Variants in B4GALNT4 observed in about 807,000 individuals in gnomAD.
B4GALNT4 encodes beta-1,4-N-acetyl-galactosaminyltransferase 4.
B4GALNT4 carries 77 observed loss-of-function variants against 110.0 expected under a neutral mutation model. That is an observed-to-expected ratio of 0.70 (90% CI 0.58 to 0.85). B4GALNT4 has a LOEUF of 0.85. Among genes scored for constraint, B4GALNT4 ranks in the 40% least tolerant of loss-of-function variants. The pLI is 0.00. For missense variants in B4GALNT4, 1,575 were observed against 1,506.0 expected, an observed-to-expected ratio of 1.05 and a Z score of -0.76; for synonymous variants, 785 against 655.5, an observed-to-expected ratio of 1.20 and a Z score of -3.02.
At position 377,097 on chromosome 11, in the gene B4GALNT4, G is replaced by A. The variant is rs906340199; in HGVS notation, c.1974G>A (p.Glu658=). The A allele has an allele frequency of 7.5e-6, 11 of 1,460,018 alleles. No homozygotes were observed. The highest frequency in any genetic ancestry group is 2.1e-4 in the Middle Eastern group (1 of 4,780). The allele number at this position is 1,460,018 out of a possible 1,614,324, so 90.4% of individuals were successfully genotyped here. A position where few individuals can be genotyped will look rare whatever the true frequency, so the allele number is the denominator to read the frequency against. The change falls in exon 14 of 20, where the codon GAG becomes GAA. Residue 658 remains glutamate, a synonymous_variant. Transcript: ENST00000329962. The part of the protein sequence containing the change: ...EGEDDGAPGD[E]AASEDSEEAA... The stretch of plus-strand genomic sequence containing the variant: ...AGGACGATGGGGCCCCGGGCGACGA[G>A]GCCGCGTCGGAGGACAGCGAGGAGG...
At chr11:373,582 CCTT>C in intron 7 of B4GALNT4, 66 bp downstream of exon 7, 2 of 1,567,522 alleles carry the variant, frequency 1.3e-6, no homozygotes, top group South Asian at 2.2e-5. Context: ...CGCGCTGTCT[CCTT>C]ATCCTGTGCA....
intron 9 of B4GALNT4, 37 bp downstream of exon 9, chr11:375,564 G>A (rs1161710418): frequency 1.9e-6 from 3 of 1,606,156 alleles, no homozygotes; most frequent in Admixed American, 1.7e-5. Context: ...GGGGCTCCTC[G>A]GGATGGGCTC....
At chr11:381,247 G>A (rs1256917968) in intron 19 of B4GALNT4, 1 of 642,498 alleles carries the variant, frequency 1.6e-6, no homozygotes, top group Non-Finnish European at 1.9e-6. Flanking sequence ...GGCCATGCAG[G>A]CTCGAGGCAG....
At chr11:379,241 G>A (rs1030035818) in intron 14 of B4GALNT4, among the ~76,000 whole-genome samples, 177 bp from the exon 15 acceptor site, 1 of 152,220 alleles carries the variant, frequency 6.6e-6, no homozygotes, top group African/African-American at 2.4e-5. Flanking sequence ...CCTGGAGGGG[G>A]TGGCTGGAAG....
At chr11:371,715 A>G (rs1262122165) in intron 1 of B4GALNT4, among the ~76,000 whole-genome samples, 8 of 152,242 alleles carry the variant, frequency 5.3e-5, no homozygotes, top group Admixed American at 5.2e-4. Flanking sequence ...ACACAGAGAA[A>G]GTGCTGAGGG....
At chr11:377,383 G>T in intron 14 of B4GALNT4, 56 bp downstream of exon 14, 1 of 1,437,028 alleles carries the variant, frequency 7.0e-7, no homozygotes, top group Admixed American at 2.6e-5. Context: ...GACAGCCGGG[G>T]AGAGGAGGTC....
rs760821783 is a variant in B4GALNT4 at position 372,699 on chromosome 11, G to A, written c.293G>A (p.Gly98Glu). The change falls in exon 3 of 20, where the codon GGG (glycine) becomes GAG (glutamate). Residue 98 changes from glycine to glutamate, a missense_variant. Gly to Glu is a moderately conservative substitution (Grantham distance 98, BLOSUM62 -2). Coordinates refer to ENST00000329962, the MANE Select transcript of B4GALNT4 (RefSeq NM_178537.5). ...GRDLDMLFPG[G>E]AGRLPLNFTH... ...GACCTAGACATGCTGTTTCCTGGGG[G>A]GGCTGGGAGGCTGCCACTGAACTTC... The A allele has an allele frequency of 1.1e-5, 18 of 1,611,780 alleles. No homozygotes were observed. The highest frequency in any genetic ancestry group is 1.4e-5 in the Non-Finnish European group (16 of 1,179,712).
chr11:379,647 C>G lies in B4GALNT4; in HGVS notation c.2434C>G (p.Arg812Gly), dbSNP rs759064827. 5.3e-6 allele frequency: 8 copies of G among 1,505,972 alleles called. No individual in the cohort carries two copies. The highest frequency in any genetic ancestry group is 2.3e-5 in the East Asian group (1 of 42,654). The allele number at this position is 1,505,972 out of a possible 1,614,324, so 93.3% of individuals were successfully genotyped here. Residue 812 changes from arginine (R) to glycine (G), a missense_variant, in exon 15 of 20, where the codon CGG becomes GGG. Transcript: ENST00000329962. The stretch of plus-strand genomic sequence containing the variant: ...CCCCGACGGCCGCCCCGAGCTCTGC[C>G]GGCCACTGCGCCTGGCCTGGCGCCA... Reference protein sequence around the residue: ...VRPDGRPELCRPLRLAWRQDV... With the variant: ...VRPDGRPELCGPLRLAWRQDV...
chr11:376,918 G>A lies in B4GALNT4; in HGVS notation c.1795G>A (p.Gly599Ser). The A allele has an allele frequency of 7.2e-7, 1 of 1,389,490 alleles. No individual in the cohort carries two copies. The allele number at this position is 1,389,490 out of a possible 1,614,324, so 86.1% of individuals were successfully genotyped here. The change falls in exon 14 of 20, where the codon GGC becomes AGC. Residue 599 changes from glycine to serine, a missense_variant. Physicochemically the swap from Gly to Ser is moderately conservative, Grantham distance 56. Transcript: ENST00000329962. Reference sequence around the variant, plus strand: ...AGCCCGGGCGCAGGCCACCCAAGGGGGCCGGGAGGGCCAGGCGCGCACGCT... The same window carrying A: ...AGCCCGGGCGCAGGCCACCCAAGGGAGCCGGGAGGGCCAGGCGCGCACGCT... ...PPARAQATQGGREGQARTLGP... is the reference protein window; with the variant it reads ...PPARAQATQGSREGQARTLGP...
At chr11:377,407 ACTC>A (rs1372363401) in intron 14 of B4GALNT4, 80 bp downstream of exon 14, 1 of 1,384,484 alleles carries the variant, frequency 7.2e-7, no homozygotes, top group Non-Finnish European at 9.4e-7. Flanking sequence ...GCCTTGGCGG[ACTC>A]CTCAGACCTT....
intron 14 of B4GALNT4, among the ~76,000 whole-genome samples, chr11:378,967 TGAG>T (rs1404656153): frequency 6.6e-6 from 1 of 152,030 alleles, no homozygotes; most frequent in South Asian, 2.1e-4. Context: ...TGGCTGTGCC[TGAG>T]GAGGAGTCTG....
chr11:369,936 C>T lies in B4GALNT4; in HGVS notation c.133C>T (p.Arg45Cys), dbSNP rs1846578258. Residue 45 changes from arginine (R) to cysteine (C), a missense_variant, in exon 1 of 20, where the codon CGC becomes TGC. Coordinates refer to ENST00000329962, the MANE Select transcript of B4GALNT4 (RefSeq NM_178537.5). The stretch of plus-strand genomic sequence containing the variant: ...GCGCCAGGGACGCGCGCTGCGCCAG[C>T]GCCTGGGCTACGGGCGAGGTACGGC... ...LVRQGRALRQ[R>C]LGYGRDGEKL... The T allele has an allele frequency of 5.1e-6, 5 of 971,626 alleles. No homozygotes were observed. The highest frequency in any genetic ancestry group is 6.1e-6 in the Non-Finnish European group (5 of 824,392). 60.2% of individuals were successfully genotyped at this position (971,626 alleles called of 1,614,324 possible).
chr11:376,447 G>A lies in B4GALNT4; in HGVS notation c.1324G>A (p.Glu442Lys). 2 of 1,596,146 alleles carry A rather than the reference G, an allele frequency of 1.3e-6. No homozygotes were observed. The highest frequency in any genetic ancestry group is 2.2e-5 in the South Asian group (2 of 90,956). Residue 442 changes from glutamate (E) to lysine (K), a missense_variant, in exon 14 of 20, where the codon GAG becomes AAG. By Grantham distance (56) the Glu-to-Lys change is moderately conservative (BLOSUM62 1). Transcript: ENST00000329962. Reference sequence around the variant, plus strand: ...CTTCCTGGACGACGAGGACGAGGGGGAGCTGCTCGACAGCCTGGAGCCCAC... The same window carrying A: ...CTTCCTGGACGACGAGGACGAGGGGAAGCTGCTCGACAGCCTGGAGCCCAC... ...DDFLDDEDEG[E>K]LLDSLEPTEA...
Position 379,417 on chromosome 11 carries a change from G to T in B4GALNT4, c.2205-1G>T. The T allele has an allele frequency of 6.6e-7, 1 of 1,508,280 alleles. No individual in the cohort carries two copies. The highest frequency in any genetic ancestry group is 2.5e-5 in the East Asian group (1 of 39,936). 93.4% of individuals were successfully genotyped at this position (1,508,280 alleles called of 1,614,324 possible). A position where few individuals can be genotyped will look rare whatever the true frequency, so the allele number is the denominator to read the frequency against. On this transcript the variant is annotated splice_acceptor_variant, in intron 14 of 19. Transcript: ENST00000329962. LOFTEE classifies it high-confidence loss of function. Reference sequence around the variant, plus strand: ...TACCGGCTGACCGCTGAGCCTTGCAGGCGCTTCGCGCTTCTGCGCATCGTG... The same window carrying T: ...TACCGGCTGACCGCTGAGCCTTGCATGCGCTTCGCGCTTCTGCGCATCGTG...
Position 373,284 on chromosome 11 carries a change from TG to T in B4GALNT4, c.632del (p.Gly211AlafsTer59). On this transcript the variant is annotated frameshift_variant, in exon 6 of 20. Coordinates refer to ENST00000329962, the MANE Select transcript of B4GALNT4 (RefSeq NM_178537.5). LOFTEE classifies it high-confidence loss of function. ...GCTGCTGCCCAGCTTGTGGCCTTTG[TG>T]GGCAAGGTACCCCCACCCCAGCCCT... ...SPAAAQLVAF[V>X]GKTGSEWTAP... The T allele has an allele frequency of 6.2e-7, 1 of 1,608,794 alleles. No individual in the cohort carries two copies.
In B4GALNT4 at chr11:375,831, ACCGCACCTC is replaced by A; in HGVS notation, c.986-14_986-6del. The stretch of plus-strand genomic sequence containing the variant: ...GGGTGCCTGCCCCAGCCACCCTGTG[ACCGCACCTC>A]CTGCAGCTCCACGCATGGAATCTTC... On this transcript the variant is annotated splice_polypyrimidine_tract_variant and splice_region_variant and intron_variant, in intron 10 of 19. Coordinates refer to ENST00000329962, the MANE Select transcript of B4GALNT4 (RefSeq NM_178537.5). 6.2e-7 allele frequency: 1 copy of A among 1,606,604 alleles called. No homozygotes were observed. Among genetic ancestry groups the A allele is most frequent in the Non-Finnish European group, 8.5e-7 (1 of 1,178,360 alleles).
Position 376,428 on chromosome 11 carries a change from G to C in B4GALNT4, c.1305G>C (p.Leu435=). ...AACCCGCGTTTCCCGCAGACTTCCT[G>C]GACGACGAGGACGAGGGGGAGCTGC... The part of the protein sequence containing the change: ...AFLFLNPDDF[L]DDEDEGELLD... Residue 435 remains leucine (L), a synonymous_variant, in exon 14 of 20, where the codon CTG becomes CTC. Coordinates refer to ENST00000329962, the MANE Select transcript of B4GALNT4 (RefSeq NM_178537.5). 5.0e-6 allele frequency: 8 copies of C among 1,597,662 alleles called. No individual in the cohort carries two copies. Among genetic ancestry groups the C allele is most frequent in the Non-Finnish European group, 6.8e-6 (8 of 1,178,450 alleles).
Position 375,831 on chromosome 11 carries a change from A to G in B4GALNT4, c.986-16A>G. The G allele has an allele frequency of 6.2e-7, 1 of 1,606,604 alleles. No homozygotes were observed. Among genetic ancestry groups the G allele is most frequent in the Non-Finnish European group, 8.5e-7 (1 of 1,178,360 alleles). On this transcript the variant is annotated splice_polypyrimidine_tract_variant and intron_variant, in intron 10 of 19. Transcript: ENST00000329962. ...GGGTGCCTGCCCCAGCCACCCTGTG[A>G]CCGCACCTCCTGCAGCTCCACGCAT...
Position 381,770 on chromosome 11 carries a change from GCT to G in B4GALNT4, c.3102_3103del (p.Arg1035HisfsTer85). 6.3e-7 allele frequency: 1 copy of G among 1,582,652 alleles called. No homozygotes were observed. The highest frequency in any genetic ancestry group is 8.6e-7 in the Non-Finnish European group (1 of 1,168,280). ...ATGTGGAGCGTCCGCAGCAGGAAGGGCTCTCGCACGGGGGCGTCTTGAGGACG... is the reference window on the plus strand; with the variant it reads ...ATGTGGAGCGTCCGCAGCAGGAAGGGCTCGCACGGGGGCGTCTTGAGGACG... On this transcript the variant is annotated frameshift_variant, in exon 20 of 20. Coordinates refer to ENST00000329962, the MANE Select transcript of B4GALNT4 (RefSeq NM_178537.5). LOFTEE classifies it low-confidence loss of function (END_TRUNC).
Sources: allele counts gnomAD v4.1 joint callset (sites outside exome capture counted in the v4.1 genomes callset), GRCh38; gene constraint gnomAD v4.1.1; transcripts MANE v1.5; gene names NCBI Gene and HGNC (gene_info 2026-07-23, HGNC 2026-07-21).